The following SERINC5 variants were observed in gnomAD, a reference collection of about 807,000 sequenced individuals.
SERINC5 encodes chromosome 5 open reading frame 12.
A neutral mutation model predicts 63.1 loss-of-function variants in SERINC5; 41 were observed. The ratio of observed to expected loss-of-function variants is 0.65; its 90% CI spans 0.51 to 0.84. The LOEUF (loss-of-function observed/expected upper bound fraction) is 0.84. Ranked by LOEUF, SERINC5 falls within the 40% of genes least tolerant of loss-of-function variation. The pLI is 0.00. For missense variants in SERINC5, 523 were observed against 573.0 expected (o/e 0.91, Z 0.89); for synonymous variants, 222 against 215.2 (o/e 1.03, Z -0.28).
chr5:80,217,543 C>A (rs1750722929), intron 1 of SERINC5, among the ~76,000 whole-genome samples: 1 of 152,220 alleles, frequency 6.6e-6, no homozygotes, highest in Non-Finnish European at 1.5e-5. Flanking sequence ...GCACCAGAAG[C>A]TTCAAGAGTT....
In SERINC5 at chr5:80,188,540, G is replaced by C. The variant is rs148824633; in HGVS notation, c.196-10476C>G. 2.2e-3 allele frequency among the ~76,000 whole-genome samples: 333 copies of C among 152,056 alleles called. 2 individuals are homozygous for C. Among genetic ancestry groups the C allele is most frequent in the African/African-American group, 7.8e-3 (323 of 41,488 alleles). ...ATTATTCTACATTCATTATGTCTTG[G>C]AGGTTGCTGTATGTTTAACAGATAA... is the stretch of plus-strand genomic sequence containing the variant. On this transcript the variant is annotated intron_variant, in intron 2 of 11. Transcript: ENST00000507668.
At chr5:80,153,283 C>A (rs1746303532) in intron 8 of SERINC5, among the ~76,000 whole-genome samples, 1 of 151,734 alleles carries the variant, frequency 6.6e-6, no homozygotes. Flanking sequence ...CATGGTGAGA[C>A]CCTGTCTCTA....
intron 1 of SERINC5, among the ~76,000 whole-genome samples, chr5:80,211,238 C>T (rs1248841416): frequency 6.6e-6 from 1 of 152,292 alleles, no homozygotes; most frequent in South Asian, 2.1e-4. Flanking sequence ...TAAGAAGCCA[C>T]GTTTGCTTTT....
intron 9 of SERINC5, 28 bp from the exon 10 acceptor site, chr5:80,147,312 G>A (rs996695493): frequency 8.1e-6 from 13 of 1,600,534 alleles, no homozygotes; most frequent in East Asian, 2.2e-5. Flanking sequence ...ACAGTCAGGC[G>A]GCTTGTGTTC....
chr5:80,117,788 C>T (rs1246717781), intron 11 of SERINC5, among the ~76,000 whole-genome samples: 2 of 151,992 alleles, frequency 1.3e-5, no homozygotes, highest in East Asian at 1.9e-4. Flanking sequence ...CTATTACTTA[C>T]TTCTTCCAGC....
intron 1 of SERINC5, among the ~76,000 whole-genome samples, chr5:80,223,384 T>C (rs79788476): frequency 0.024 from 3,657 of 152,300 alleles, 133 homozygotes; most frequent in African/African-American, 0.083. Context: ...GTAAATGCCA[T>C]GTAAATTTGT....
At chr5:80,234,358 AC>A in intron 1 of SERINC5, among the ~76,000 whole-genome samples, 1 of 152,338 alleles carries the variant, frequency 6.6e-6, no homozygotes, top group East Asian at 1.9e-4. Flanking sequence ...AGAAAAATCT[AC>A]ATTTACATAT....
intron 1 of SERINC5, among the ~76,000 whole-genome samples, chr5:80,209,404 A>G (rs1750329515): frequency 6.6e-6 from 1 of 152,168 alleles, no homozygotes; most frequent in Non-Finnish European, 1.5e-5. Context: ...AGCCAAGGAG[A>G]GAGGCCTCAG....
chr5:80,156,557 C>G (rs1317902470), intron 8 of SERINC5, among the ~76,000 whole-genome samples: 2 of 152,216 alleles, frequency 1.3e-5, no homozygotes, highest in Non-Finnish European at 2.9e-5. Context: ...GAGTGGTCAT[C>G]CTCATCTCCA....
chr5:80,173,527 C>T (rs1307968019), intron 5 of SERINC5, among the ~76,000 whole-genome samples: 2 of 152,058 alleles, frequency 1.3e-5, no homozygotes, highest in Non-Finnish European at 2.9e-5. Context: ...ACCCGGGAGG[C>T]GGAGCTTGCA....
intron 2 of SERINC5, among the ~76,000 whole-genome samples, chr5:80,178,583 T>C: frequency 7.0e-6 from 1 of 142,202 alleles, no homozygotes; most frequent in Admixed American, 7.5e-5. Flanking sequence ...TTTTGTCATG[T>C]TGCCCAGACT....
chr5:80,146,609 C>T (rs1289862375), intron 10 of SERINC5, among the ~76,000 whole-genome samples: 5 of 152,196 alleles, frequency 3.3e-5, no homozygotes, highest in East Asian at 1.9e-4. Flanking sequence ...CACGCCACCA[C>T]GCCCGGCTAA....
chr5:80,238,404 A>G (rs915868454), intron 1 of SERINC5, among the ~76,000 whole-genome samples: 1 of 152,208 alleles, frequency 6.6e-6, no homozygotes, highest in East Asian at 1.9e-4. Context: ...TTTCTGGAAA[A>G]TAACTTAAAC....
chr5:80,136,892 T>G (rs1055124518), downstream of SERINC5, among the ~76,000 whole-genome samples: 3 of 152,082 alleles, frequency 2.0e-5, no homozygotes, highest in Non-Finnish European at 4.4e-5. Context: ...TCCCAGCATT[T>G]TGGGAGGCCG....
chr5:80,206,281 T>C (rs1381318031), intron 1 of SERINC5, among the ~76,000 whole-genome samples: 1 of 152,190 alleles, frequency 6.6e-6, no homozygotes, highest in Non-Finnish European at 1.5e-5. Context: ...TGCTACACCA[T>C]AAACATCACT....
Position 80,169,402 on chromosome 5 carries a change from C to T in SERINC5, c.696G>A (p.Leu232=). The T allele has an allele frequency of 6.2e-7, 1 of 1,613,984 alleles. No individual in the cohort carries two copies. The stretch of plus-strand genomic sequence containing the variant: ...GGCACAGGCCTCCATTTACTCCCAG[C>T]AGAATTTTGTTTTCCATGCAGCTGT... ...QKDSCMENKI[L]LGVNGGLCLL... is the part of the protein sequence containing the mutation. Residue 232 remains leucine (L), a synonymous_variant, in exon 6 of 12, where the codon CTG becomes CTA. Coordinates refer to ENST00000507668, the MANE Select transcript of SERINC5 (RefSeq NM_001174072.3).
intron 5 of SERINC5, among the ~76,000 whole-genome samples, chr5:80,172,236 G>A (rs984796708): frequency 8.5e-5 from 13 of 152,112 alleles, no homozygotes; most frequent in African/African-American, 2.2e-4. Context: ...TGGCTGAATC[G>A]CTTGGACACC....
rs367728396 is a variant in SERINC5, at chr5:80,202,875, G to A, written c.195+11C>T. 6.2e-6 allele frequency: 10 copies of A among 1,602,690 alleles called. No homozygotes were observed. In the South Asian group the frequency reaches 6.6e-5, roughly 11 times the overall value. On this transcript the variant is annotated intron_variant, in intron 2 of 11. Transcript: ENST00000507668. The stretch of plus-strand genomic sequence containing the variant: ...TCGGAAATAGGACGAGCTGAACACG[G>A]ACAAACTTACGTGCTCTTTCATCTT...
chr5:80,120,659 C>A (rs967178030), intron 11 of SERINC5, among the ~76,000 whole-genome samples: 8 of 151,900 alleles, frequency 5.3e-5, no homozygotes, highest in African/African-American at 1.7e-4. Flanking sequence ...ACTGAAAATA[C>A]AAAAAATTAG....
Sources: gnomAD v4.1 joint callset for allele counts (sites outside exome capture counted in the v4.1 genomes callset) on GRCh38, gnomAD v4.1.1 for gene constraint, MANE v1.5 for transcripts, NCBI Gene and HGNC (gene_info 2026-07-23, HGNC 2026-07-21) for gene names.